The following PRMT8 variants were observed in gnomAD, a reference collection of about 807,000 sequenced individuals.
PRMT8 encodes protein arginine methyltransferase 8.
Under a neutral mutation model 47.1 loss-of-function variants are expected in PRMT8, and 7 were observed. That is an observed-to-expected ratio of 0.15 (90% CI 0.08 to 0.28). PRMT8 has a LOEUF of 0.28. Among genes scored for constraint, PRMT8 ranks in the 10% least tolerant of loss-of-function variants. The pLI is 1.00. For synonymous variants in PRMT8, 188 were observed against 186.5 expected, an observed-to-expected ratio of 1.01 and a Z score of -0.07; for missense variants, 237 against 505.4, an observed-to-expected ratio of 0.47 and a Z score of 5.09.
chr12:3,519,494 G>A (rs994359281), intron 1 of PRMT8, among the ~76,000 whole-genome samples: 1 of 152,216 alleles, frequency 6.6e-6, no homozygotes, highest in African/African-American at 2.4e-5. Context: ...AGTGAGAAAG[G>A]GATGTGGAGG....
chr12:3,563,542 C>A (rs1463099250), intron 4 of PRMT8, among the ~76,000 whole-genome samples: 1 of 151,370 alleles, frequency 6.6e-6, no homozygotes, highest in Non-Finnish European at 1.5e-5. Context: ...TCCCATCACT[C>A]CTGACCAGCC....
At chr12:3,435,122 C>T (rs1864724937) in intron 1 of PRMT8, among the ~76,000 whole-genome samples, 1 of 152,092 alleles carries the variant, frequency 6.6e-6, no homozygotes, top group South Asian at 2.1e-4. Context: ...GCACCCACCA[C>T]CACACCCGGC....
chr12:3,489,011 C>T (rs1042811444), upstream of PRMT8, among the ~76,000 whole-genome samples: 1 of 152,206 alleles, frequency 6.6e-6, no homozygotes, highest in Non-Finnish European at 1.5e-5. Flanking sequence ...AAACAGTTCA[C>T]TCCTGTACTC....
Position 3,564,591 on chromosome 12 carries a change from T to G in PRMT8, c.482-4115T>G, listed in dbSNP as rs142554810. ...TGTGCATTTAGTTCTGATTAATCAT[T>G]CTGTAATTTACCAGCCAGAGTCCTG... On this transcript the variant is annotated intron_variant, in intron 4 of 9. Coordinates refer to ENST00000382622, the MANE Select transcript of PRMT8 (RefSeq NM_019854.5). The surrounding 1 kb of genome is among the most constrained non-coding windows in gnomAD (Gnocchi z 4.0). Among the ~76,000 whole-genome samples, 11 of 152,366 alleles carry G rather than the reference T, an allele frequency of 7.2e-5. No individual in the cohort carries two copies. The East Asian group carries it at 1.9e-3, about 27-fold the overall frequency.
chr12:3,588,265 C>G (rs180695857), intron 8 of PRMT8, among the ~76,000 whole-genome samples: 139 of 152,330 alleles, frequency 9.1e-4, no homozygotes, highest in Middle Eastern at 6.8e-3. Context: ...GCATAGTCCT[C>G]AATTCTCCAA....
intron 2 of PRMT8, among the ~76,000 whole-genome samples, chr12:3,541,135 C>T (rs1866222297): frequency 6.6e-6 from 1 of 152,220 alleles, no homozygotes; most frequent in African/African-American, 2.4e-5. Flanking sequence ...GGTCTTTGGA[C>T]CAGGAGCTCA....
chr12:3,413,461 T>C (rs1397518478), intron 1 of PRMT8, among the ~76,000 whole-genome samples: 1 of 152,188 alleles, frequency 6.6e-6, no homozygotes, highest in Non-Finnish European at 1.5e-5. Context: ...ACACGCATAG[T>C]ATCCTAGGCC....
At chr12:3,487,541 C>T (rs1865334191), upstream of PRMT8, among the ~76,000 whole-genome samples, 1 of 152,200 alleles carries the variant, frequency 6.6e-6, no homozygotes, top group Non-Finnish European at 1.5e-5. Context: ...CCTCAGAGGG[C>T]TTGCTCAACC....
intron 1 of PRMT8, among the ~76,000 whole-genome samples, chr12:3,505,112 A>T (rs1242811644): frequency 3.4e-5 from 5 of 146,068 alleles, no homozygotes; most frequent in Non-Finnish European, 7.5e-5. Flanking sequence ...GGCACTCCCT[A>T]GTGAGATGAA....
rs1299494665 is a variant in PRMT8 at position 3,583,796 on chromosome 12, TG to T, written c.979+590del. 6.6e-6 allele frequency among the ~76,000 whole-genome samples: 1 copy of T among 152,212 alleles called. No homozygotes were observed. Among genetic ancestry groups the T allele is most frequent in the African/African-American group, 2.4e-5 (1 of 41,470 alleles). On this transcript the variant is annotated intron_variant, in intron 8 of 9. Coordinates refer to ENST00000382622, the MANE Select transcript of PRMT8 (RefSeq NM_019854.5). The surrounding 1 kb of genome is among the most constrained non-coding windows in gnomAD (Gnocchi z 4.7). The stretch of plus-strand genomic sequence containing the variant: ...ATAAGCCTGGCAAATGGGGATCCCA[TG>T]GCCTGGCCCTGGCCCACTCTCCAGC...
intron 1 of PRMT8, among the ~76,000 whole-genome samples, chr12:3,405,912 T>C (rs1864368434): frequency 1.3e-5 from 2 of 152,248 alleles, no homozygotes; most frequent in Admixed American, 6.5e-5. Flanking sequence ...ACAGCTCCAC[T>C]AGGCAGTGCC....
chr12:3,458,601 A>C (rs1591555960), intron 1 of PRMT8, among the ~76,000 whole-genome samples: 4 of 152,260 alleles, frequency 2.6e-5, no homozygotes, highest in African/African-American at 9.6e-5. Context: ...TGAGCCAATC[A>C]GACCTTTGAA....
intron 1 of PRMT8, among the ~76,000 whole-genome samples, chr12:3,527,303 A>G (rs780243034): frequency 2.0e-5 from 3 of 152,096 alleles, no homozygotes; most frequent in Non-Finnish European, 2.9e-5. Flanking sequence ...TAATCTGATA[A>G]CCAAGACAGT....
chr12:3,448,090 G>A (rs759414851), intron 1 of PRMT8, among the ~76,000 whole-genome samples: 7 of 152,182 alleles, frequency 4.6e-5, no homozygotes, highest in Non-Finnish European at 7.3e-5. Context: ...TTTAACTCCT[G>A]GGCTCAAGCG....
intron 1 of PRMT8, among the ~76,000 whole-genome samples, chr12:3,476,388 C>G (rs1400074129): frequency 6.6e-6 from 1 of 152,126 alleles, no homozygotes; most frequent in African/African-American, 2.4e-5. Flanking sequence ...CCATTTCTTT[C>G]AAGGAATCTG....
At chr12:3,546,412 G>T (rs931034717) in intron 2 of PRMT8, among the ~76,000 whole-genome samples, 1 of 152,036 alleles carries the variant, frequency 6.6e-6, no homozygotes, top group African/African-American at 2.4e-5. Context: ...TTTTGAAAAG[G>T]CTAATTAAAT....
rs1036408262 is a variant in PRMT8 at position 3,535,399 on chromosome 12, G to A, written c.76-5207G>A. Among the ~76,000 whole-genome samples the A allele has an allele frequency of 8.5e-5, 13 of 152,208 alleles. No homozygotes were observed. The highest frequency in any genetic ancestry group is 2.9e-4 in the African/African-American group (12 of 41,440). ...TGTGTTGGGGGAGTCCTGATCAGCC[G>A]CTGGCGTGGTGAGTCGAAGGCAAAT... On this transcript the variant is annotated intron_variant, in intron 1 of 9. Coordinates refer to ENST00000382622, the MANE Select transcript of PRMT8 (RefSeq NM_019854.5). The surrounding 1 kb of genome is among the most constrained non-coding windows in gnomAD (Gnocchi z 4.7).
chr12:3,585,911 T>C (rs561204774), intron 8 of PRMT8, among the ~76,000 whole-genome samples: 1 of 152,154 alleles, frequency 6.6e-6, no homozygotes, highest in South Asian at 2.1e-4. Context: ...AGGAGCCTTC[T>C]TGGGGACAGT....
intron 4 of PRMT8, among the ~76,000 whole-genome samples, chr12:3,556,542 A>G (rs900201131): frequency 1.4e-4 from 21 of 152,144 alleles, no homozygotes; most frequent in African/African-American, 2.4e-4. Flanking sequence ...CACAGGCTCA[A>G]TGTGGGGCTG....
Sources: gnomAD v4.1 joint callset for allele counts (sites outside exome capture counted in the v4.1 genomes callset) on GRCh38, gnomAD v4.1.1 for gene constraint, Gnocchi (gnomAD v3.1) non-coding constraint, MANE v1.5 for transcripts, NCBI Gene and HGNC (gene_info 2026-07-23, HGNC 2026-07-21) for gene names.